Variants in NCMAP observed in about 807,000 individuals in gnomAD.
NCMAP encodes noncompact myelin-associated protein.
Under a neutral mutation model 7.8 loss-of-function variants are expected in NCMAP, and 8 were observed. That is an observed-to-expected ratio of 1.02 (90% CI 0.60 to 1.84). The LOEUF (loss-of-function observed/expected upper bound fraction) is 1.84, where lower values mean the gene tolerates loss of function less well. NCMAP is among the 40% of genes most tolerant of loss of function. NCMAP has a pLI of 0.00. For missense variants in NCMAP, 112 were observed against 131.4 expected (o/e 0.85, Z 0.72); for synonymous variants, 41 against 52.9 (o/e 0.78, Z 0.98).
chr1:24,578,980 T>C (rs968254248), intron 1 of NCMAP, among the ~76,000 whole-genome samples: 6 of 152,152 alleles, frequency 3.9e-5, no homozygotes, highest in African/African-American at 1.4e-4. Flanking sequence ...TTTCATTTTT[T>C]CTTTGGCTGA....
rs1651001967 is a variant in NCMAP, at chr1:24,559,970, G to GCTAA, written c.-8+3803_-8+3806dup. Among the ~76,000 whole-genome samples, 4 of 151,956 alleles carry GCTAA rather than the reference G, an allele frequency of 2.6e-5. No homozygotes were observed. In the South Asian group the frequency reaches 8.3e-4, roughly 32 times the overall value. Reference sequence around the variant, plus strand: ...AAGTCAGGAGATCAAGACCATCCTGGCTAACATGGTGAAACCCTGTCTCTA... The same window carrying GCTAA: ...AAGTCAGGAGATCAAGACCATCCTGGCTAACTAACATGGTGAAACCCTGTCTCTA... On this transcript the variant is annotated intron_variant, in intron 1 of 3. Transcript: ENST00000374392.
intron 2 of NCMAP, among the ~76,000 whole-genome samples, chr1:24,597,623 GAAAGAAAGAA>G (rs1262358594): frequency 1.2e-4 from 11 of 91,528 alleles, no homozygotes; most frequent in African/African-American, 5.9e-4. Flanking sequence ...GAAAGAGAAA[GAAAGAAAGAA>G]AGAAAGAAAG....
intron 1 of NCMAP, among the ~76,000 whole-genome samples, chr1:24,573,693 T>C (rs1055078365): frequency 3.3e-5 from 5 of 150,366 alleles, no homozygotes; most frequent in African/African-American, 1.3e-4. Context: ...ATCCCAGAAC[T>C]TTGGAAGGCC....
Position 24,569,183 on chromosome 1 carries a change from G to T in NCMAP, c.-8+13014G>T, listed in dbSNP as rs957611164. On this transcript the variant is annotated intron_variant, in intron 1 of 3. Transcript: ENST00000374392. ...TGATTTTTGTATTTTTAGTAGAGAC[G>T]GGGTTTCACCATGTTGGCCAGGCTG... Among the ~76,000 whole-genome samples the T allele has an allele frequency of 3.3e-5, 5 of 151,760 alleles. No individual in the cohort carries two copies. The South Asian group carries it at 1.0e-3, about 32-fold the overall frequency.
chr1:24,604,501 G>C (rs1209686691), intron 3 of NCMAP, among the ~76,000 whole-genome samples: 1 of 142,298 alleles, frequency 7.0e-6, no homozygotes, highest in Non-Finnish European at 1.5e-5. Context: ...ACCTGAGCCT[G>C]GGATGTTGAG....
chr1:24,571,617 GC>G (rs1286190361), intron 1 of NCMAP, among the ~76,000 whole-genome samples: 2 of 149,968 alleles, frequency 1.3e-5, no homozygotes, highest in East Asian at 3.9e-4. Flanking sequence ...ATGGAGTCTT[GC>G]TCTGTCGCCC....
intron 1 of NCMAP, among the ~76,000 whole-genome samples, chr1:24,561,116 TG>T (rs1203732591): frequency 2.1e-5 from 3 of 143,542 alleles, no homozygotes; most frequent in Non-Finnish European, 4.5e-5. Context: ...GCGGATCACC[TG>T]AGGTCAGGAG....
intron 1 of NCMAP, among the ~76,000 whole-genome samples, chr1:24,592,850 C>T (rs528674441): frequency 1.7e-3 from 252 of 152,104 alleles, no homozygotes; most frequent in African/African-American, 6.0e-3. Flanking sequence ...ACCCGGGAGG[C>T]GGAGCTTGCA....
At chr1:24,565,615 T>TG (rs1651207604) in intron 1 of NCMAP, among the ~76,000 whole-genome samples, 3 of 141,152 alleles carry the variant, frequency 2.1e-5, no homozygotes, top group Non-Finnish European at 3.1e-5. Flanking sequence ...TGTGTGTGTG[T>TG]TTTGAGACAG....
chr1:24,582,473 G>T (rs986580904), intron 1 of NCMAP, among the ~76,000 whole-genome samples: 9 of 152,158 alleles, frequency 5.9e-5, no homozygotes, highest in African/African-American at 1.7e-4. Flanking sequence ...TCATCGTAAG[G>T]TTCTTTATAA....
intron 1 of NCMAP, among the ~76,000 whole-genome samples, chr1:24,563,199 A>G (rs1376179338): frequency 6.6e-6 from 1 of 152,270 alleles, no homozygotes; most frequent in Non-Finnish European, 1.5e-5. Flanking sequence ...TTTCTCAGCT[A>G]TCACTGAAGC....
At chr1:24,594,549 A>G (rs1171887724) in intron 1 of NCMAP, among the ~76,000 whole-genome samples, 1 of 152,300 alleles carries the variant, frequency 6.6e-6, no homozygotes, top group South Asian at 2.1e-4. Flanking sequence ...AGCCTGGTAC[A>G]TGGTAGATTC....
intron 1 of NCMAP, among the ~76,000 whole-genome samples, chr1:24,559,774 G>A (rs374346639): frequency 7.1e-4 from 108 of 152,250 alleles, no homozygotes; most frequent in African/African-American, 2.4e-3. Context: ...TGAGCAGGGC[G>A]TTAAGCCCTG....
At chr1:24,565,965 A>C (rs896728219) in intron 1 of NCMAP, among the ~76,000 whole-genome samples, 1 of 151,848 alleles carries the variant, frequency 6.6e-6, no homozygotes, top group Non-Finnish European at 1.5e-5. Flanking sequence ...TTCTCATGAG[A>C]TCTGATGGTT....
chr1:24,602,064 T>C lies in NCMAP; in HGVS notation c.167+1040T>C, dbSNP rs75556201. 1.8e-4 allele frequency among the ~76,000 whole-genome samples: 27 copies of C among 151,534 alleles called. No homozygotes were observed. The East Asian group carries it at 4.3e-3, about 24-fold the overall frequency. ...TCAAAAAAAAAAAAAATCATATATATATGTATTAGAAGTGCACTGATTAAT... is the reference window on the plus strand; with the variant it reads ...TCAAAAAAAAAAAAAATCATATATACATGTATTAGAAGTGCACTGATTAAT... On this transcript the variant is annotated intron_variant, in intron 3 of 3. Transcript: ENST00000374392.
At chr1:24,578,369 A>G (rs546569869) in intron 1 of NCMAP, among the ~76,000 whole-genome samples, 1 of 149,746 alleles carries the variant, frequency 6.7e-6, no homozygotes, top group African/African-American at 2.5e-5. Context: ...CAATGGACAC[A>G]GGAGTTTTCC....
intron 1 of NCMAP, among the ~76,000 whole-genome samples, chr1:24,582,185 C>G (rs1445615011): frequency 6.6e-6 from 1 of 152,146 alleles, no homozygotes; most frequent in African/African-American, 2.4e-5. Flanking sequence ...ATCGGATCCA[C>G]CTCAGTGCCT....
At chr1:24,569,415 C>T (rs748421487) in intron 1 of NCMAP, among the ~76,000 whole-genome samples, 1 of 150,654 alleles carries the variant, frequency 6.6e-6, no homozygotes, top group Non-Finnish European at 1.5e-5. Context: ...CCTAATGTGC[C>T]CATTCCCACC....
chr1:24,593,624 A>G (rs1250749977), intron 1 of NCMAP, among the ~76,000 whole-genome samples: 1 of 152,234 alleles, frequency 6.6e-6, no homozygotes. Flanking sequence ...TTTAAAAAGA[A>G]AATAAATTTA....
Sources: gnomAD v4.1 joint callset for allele counts (sites outside exome capture counted in the v4.1 genomes callset) on GRCh38, gnomAD v4.1.1 for gene constraint, MANE v1.5 for transcripts, NCBI Gene and HGNC (gene_info 2026-07-23, HGNC 2026-07-21) for gene names.